The following RCC1 variants were observed in gnomAD, a reference collection of about 807,000 sequenced individuals.
RCC1 encodes regulator of chromosome condensation.
A neutral mutation model predicts 44.4 loss-of-function variants in RCC1; 11 were observed. The observed-to-expected ratio is 0.25, with a 90% CI of 0.16 to 0.41. The LOEUF (loss-of-function observed/expected upper bound fraction) is 0.41. Among genes scored for constraint, RCC1 ranks in the 10% least tolerant of loss-of-function variants. RCC1 has a pLI of 1.00. For missense variants in RCC1, 386 were observed against 547.1 expected (o/e 0.71, Z 2.94); for synonymous variants, 213 against 216.5 (o/e 0.98, Z 0.14).
chr1:28,520,192 C>T (rs1264337040), intron 4 of RCC1, among the ~76,000 whole-genome samples: 1 of 152,182 alleles, frequency 6.6e-6, no homozygotes, highest in East Asian at 1.9e-4. Context: ...CACATGAGCC[C>T]TCTCCTCCCT....
At chr1:28,521,501 G>GAAAAA (rs71586849) in intron 4 of RCC1, among the ~76,000 whole-genome samples, 4 of 56,786 alleles carry the variant, frequency 7.0e-5, no homozygotes, top group Admixed American at 4.6e-4. Context: ...CTCCACCTCA[G>GAAAAA]AAAAAAAAAA....
intron 4 of RCC1, among the ~76,000 whole-genome samples, chr1:28,523,761 G>A (rs1663454475): frequency 1.3e-5 from 2 of 152,198 alleles, no homozygotes; most frequent in South Asian, 4.1e-4. Context: ...AGATTATTCT[G>A]ATGAACTGAT....
intron 4 of RCC1, among the ~76,000 whole-genome samples, chr1:28,521,618 C>A (rs776637736): frequency 5.2e-4 from 79 of 152,294 alleles, no homozygotes; most frequent in Non-Finnish European, 7.5e-4. Context: ...CTCTGGGACT[C>A]AAAGAGCACT....
At chr1:28,514,449 C>CAA (rs59770782) in intron 3 of RCC1, among the ~76,000 whole-genome samples, 40 of 135,740 alleles carry the variant, frequency 2.9e-4, no homozygotes, top group Non-Finnish European at 4.5e-4. Context: ...GACTCCGTCT[C>CAA]AAAAAAAAAA....
chr1:28,508,422 A>C (rs147981504), intron 2 of RCC1: 1 of 381,172 alleles, frequency 2.6e-6, no homozygotes, highest in African/African-American at 2.1e-5. Flanking sequence ...AAGCTGCCCT[A>C]GTGAACTGTA....
At chr1:28,508,788 G>A (rs1419790665) in intron 2 of RCC1, 42 bp from the exon 3 acceptor site, 3 of 518,682 alleles carry the variant, frequency 5.8e-6, no homozygotes, top group Middle Eastern at 3.2e-4. Flanking sequence ...TTAAGTTGAA[G>A]TAGGATCTTC....
At chr1:28,519,588 C>T (rs1267190237) in intron 4 of RCC1, among the ~76,000 whole-genome samples, 2 of 150,938 alleles carry the variant, frequency 1.3e-5, no homozygotes, top group Middle Eastern at 3.4e-3. Flanking sequence ...TTTTTTGAGA[C>T]GGAGTTTCCA....
chr1:28,522,294 G>A (rs1663333971), intron 4 of RCC1, among the ~76,000 whole-genome samples: 1 of 152,150 alleles, frequency 6.6e-6, no homozygotes, highest in Admixed American at 6.6e-5. Context: ...GTATGGAGAG[G>A]ACAGTTAGCA....
chr1:28,533,569 G>A (rs1664319678), intron 7 of RCC1, among the ~76,000 whole-genome samples: 2 of 150,992 alleles, frequency 1.3e-5, no homozygotes, highest in South Asian at 2.1e-4. Context: ...TCGGGAGTTC[G>A]AGACCGGCCT....
intron 2 of RCC1, chr1:28,508,559 C>T (rs1263287342): frequency 1.9e-6 from 1 of 518,006 alleles, no homozygotes; most frequent in Non-Finnish European, 3.9e-6. Flanking sequence ...AATGAGCATT[C>T]CAACGTGGAT....
intron 3 of RCC1, among the ~76,000 whole-genome samples, chr1:28,515,946 C>G (rs1294708383): frequency 6.6e-6 from 1 of 150,590 alleles, no homozygotes; most frequent in African/African-American, 2.4e-5. Flanking sequence ...CTTTGGTAGG[C>G]TGAGGCGGGT....
intron 7 of RCC1, among the ~76,000 whole-genome samples, chr1:28,533,335 G>A (rs1664299783): frequency 6.6e-6 from 1 of 151,866 alleles, no homozygotes; most frequent in Non-Finnish European, 1.5e-5. Flanking sequence ...GCCAAGCGTG[G>A]TGGCGGGTGC....
intron 3 of RCC1, among the ~76,000 whole-genome samples, chr1:28,512,286 C>A (rs1027102287): frequency 7.1e-6 from 1 of 141,244 alleles, no homozygotes; most frequent in Non-Finnish European, 1.5e-5. Context: ...CCCTAAGGAT[C>A]CACAATGGCC....
At chr1:28,514,972 T>C (rs1662802646) in intron 3 of RCC1, among the ~76,000 whole-genome samples, 1 of 152,122 alleles carries the variant, frequency 6.6e-6, no homozygotes, top group African/African-American at 2.4e-5. Context: ...CACAGTACAT[T>C]ATTACAGCCA....
chr1:28,522,722 G>C (rs1200280678), intron 4 of RCC1, among the ~76,000 whole-genome samples: 1 of 152,024 alleles, frequency 6.6e-6, no homozygotes, highest in African/African-American at 2.4e-5. Flanking sequence ...GGCTGAGGCA[G>C]GAGGGTCGCT....
chr1:28,506,327 G>C (rs1406957348), intron 1 of RCC1: 1 of 411,340 alleles, frequency 2.4e-6, no homozygotes, highest in Admixed American at 3.1e-5. Flanking sequence ...TGGGATTACA[G>C]GCACGTGCCA....
chr1:28,536,115 G>C lies in RCC1; in HGVS notation c.817+89G>C. Reference sequence around the variant, plus strand: ...CTCATTCATTGTGCATCCTTTGCGGGGTCGTCTAACCCCTCCAAGCCAGTT... The same window carrying C: ...CTCATTCATTGTGCATCCTTTGCGGCGTCGTCTAACCCCTCCAAGCCAGTT... On this transcript the variant is annotated intron_variant, in intron 10 of 12. Coordinates refer to ENST00000683442, the MANE Select transcript of RCC1 (RefSeq NM_001381865.2). This position sits in a 1 kb window ranked among gnomAD's most constrained non-coding sequence, Gnocchi z 4.9. 6.5e-7 allele frequency: 1 copy of C among 1,543,554 alleles called. No individual in the cohort carries two copies. Among genetic ancestry groups the C allele is most frequent in the Non-Finnish European group, 8.8e-7 (1 of 1,142,704 alleles).
intron 4 of RCC1, chr1:28,527,029 C>G (rs2840768): frequency 1.2e-6 from 1 of 821,148 alleles, no homozygotes. Flanking sequence ...AGGGCGCATG[C>G]TGGGTGACAT....
intron 7 of RCC1, among the ~76,000 whole-genome samples, chr1:28,533,630 C>T (rs1212312941): frequency 6.8e-6 from 1 of 146,682 alleles, no homozygotes; most frequent in Non-Finnish European, 1.5e-5. Flanking sequence ...ATTAGCTGGA[C>T]ATGGTGGTGC....
Sources: allele counts gnomAD v4.1 joint callset (sites outside exome capture counted in the v4.1 genomes callset), GRCh38; gene constraint gnomAD v4.1.1; non-coding constraint Gnocchi (gnomAD v3.1); transcripts MANE v1.5; gene names NCBI Gene and HGNC (gene_info 2026-07-23, HGNC 2026-07-21).